PLCXD3: variants seen among roughly 807,000 people sequenced by gnomAD.
PLCXD3 encodes PI-PLC X domain-containing protein 3.
A neutral mutation model predicts 25.5 loss-of-function variants in PLCXD3; 19 were observed. That is an observed-to-expected ratio of 0.75 (90% confidence interval 0.52 to 1.09). The LOEUF is 1.09. Ranked by LOEUF, PLCXD3 falls within the 50% of genes least tolerant of loss-of-function variation. The pLI, the probability that PLCXD3 is intolerant of heterozygous loss-of-function variation, is 0.00. For missense variants in PLCXD3, 411 were observed against 388.1 expected (o/e 1.06, Z -0.50); for synonymous variants, 174 against 137.6 (o/e 1.26, Z -1.85).
At chr5:41,505,483 T>C (rs556198940) in intron 1 of PLCXD3, among the ~76,000 whole-genome samples, 1 of 152,336 alleles carries the variant, frequency 6.6e-6, no homozygotes, top group Non-Finnish European at 1.5e-5. Flanking sequence ...ATGATGCCAC[T>C]TTTGCTCGAT....
chr5:41,394,312 A>G (rs1745931264), intron 1 of PLCXD3, among the ~76,000 whole-genome samples: 1 of 152,168 alleles, frequency 6.6e-6, no homozygotes, highest in South Asian at 2.1e-4. Flanking sequence ...AAATACAATG[A>G]ATACATAAAA....
rs138457056 is a variant in PLCXD3 at position 41,391,823 on chromosome 5, C to T, written c.104-9289G>A. 8.0e-3 allele frequency among the ~76,000 whole-genome samples: 1,215 copies of T among 152,198 alleles called. 10 individuals are homozygous for T. Among genetic ancestry groups the T allele is most frequent in the African/African-American group, 0.027 (1,113 of 41,536 alleles). The stretch of plus-strand genomic sequence containing the variant: ...CCCTGGATCAAACGGGAGACCATTT[C>T]CCTGAAGGGTGAGTCCCAGGCCAGG... On this transcript the variant is annotated intron_variant, in intron 1 of 2. Transcript: ENST00000377801.
At position 41,310,283 on chromosome 5, in the gene PLCXD3, A is replaced by G. The variant is rs868228023; in HGVS notation, c.*3334T>C. On this transcript the variant is annotated 3_prime_UTR_variant, in exon 3 of 3. Coordinates refer to ENST00000377801, the MANE Select transcript of PLCXD3 (RefSeq NM_001005473.3). ...ATATTAGTCCTTGAAAATTACAGAC[A>G]GGAAATCAAACTTAAAAATGATCTC... 6.6e-6 allele frequency: 1 copy of G among 152,182 alleles called. No homozygotes were observed. The highest frequency in any genetic ancestry group is 1.5e-5 in the Non-Finnish European group (1 of 68,018). The allele number at this position is 152,182 out of a possible 1,614,324, so 9.4% of individuals were successfully genotyped here.
chr5:41,395,174 T>G (rs1302649833), intron 1 of PLCXD3, among the ~76,000 whole-genome samples: 1 of 152,112 alleles, frequency 6.6e-6, no homozygotes, highest in Non-Finnish European at 1.5e-5. Context: ...CAAGATGAAT[T>G]TGGGAAACTA....
chr5:41,393,793 G>A (rs1194002997), intron 1 of PLCXD3, among the ~76,000 whole-genome samples: 1 of 152,020 alleles, frequency 6.6e-6, no homozygotes, highest in African/African-American at 2.4e-5. Context: ...AGCCGGGCAT[G>A]GTGGTGGACA....
At chr5:41,363,231 A>G (rs1744840709) in intron 2 of PLCXD3, among the ~76,000 whole-genome samples, 1 of 152,208 alleles carries the variant, frequency 6.6e-6, no homozygotes, top group African/African-American at 2.4e-5. Context: ...TAAACCGTTT[A>G]TTAATTTGTC....
chr5:41,400,724 T>G (rs1561261393), intron 1 of PLCXD3, among the ~76,000 whole-genome samples: 1 of 151,960 alleles, frequency 6.6e-6, no homozygotes, highest in South Asian at 2.1e-4. Flanking sequence ...GAGGTGGAGA[T>G]GGTTAATGGG....
chr5:41,458,000 G>A (rs1747792801), intron 1 of PLCXD3, among the ~76,000 whole-genome samples: 1 of 151,850 alleles, frequency 6.6e-6, no homozygotes. Context: ...GAAGCACCAA[G>A]TTTAACTTAG....
chr5:41,352,144 A>G (rs1744480633), intron 2 of PLCXD3, among the ~76,000 whole-genome samples: 1 of 152,208 alleles, frequency 6.6e-6, no homozygotes, highest in Admixed American at 6.5e-5. Context: ...TCCTTTATCA[A>G]TAGAAAGTCT....
chr5:41,497,720 G>A (rs1420745898), intron 1 of PLCXD3, among the ~76,000 whole-genome samples: 2 of 151,780 alleles, frequency 1.3e-5, no homozygotes, highest in South Asian at 2.1e-4. Flanking sequence ...AACAACAGCA[G>A]AATACACATT....
At chr5:41,407,161 G>A (rs1746376671) in intron 1 of PLCXD3, among the ~76,000 whole-genome samples, 1 of 152,048 alleles carries the variant, frequency 6.6e-6, no homozygotes. Context: ...TTTCAAATCT[G>A]GCTGATGTTA....
intron 2 of PLCXD3, among the ~76,000 whole-genome samples, chr5:41,374,567 A>G (rs1237407094): frequency 2.6e-5 from 4 of 152,160 alleles, no homozygotes; most frequent in African/African-American, 4.8e-5. Flanking sequence ...ACACACGTAC[A>G]TATATGTATC....
At chr5:41,501,303 G>A (rs1407319050) in intron 1 of PLCXD3, among the ~76,000 whole-genome samples, 1 of 151,912 alleles carries the variant, frequency 6.6e-6, no homozygotes, top group Non-Finnish European at 1.5e-5. Context: ...GTATATCAAT[G>A]GATGAATGGA....
chr5:41,442,876 AT>A (rs572560719), intron 1 of PLCXD3, among the ~76,000 whole-genome samples: 2 of 133,710 alleles, frequency 1.5e-5, no homozygotes, highest in South Asian at 5.2e-4. Flanking sequence ...CCAACTTGTT[AT>A]GGTTTATTTC....
chr5:41,343,761 A>G (rs1293780812), intron 2 of PLCXD3, among the ~76,000 whole-genome samples: 2 of 152,144 alleles, frequency 1.3e-5, no homozygotes, highest in Non-Finnish European at 2.9e-5. Context: ...GATCTTAATG[A>G]AAACGTGGTT....
At position 41,312,685 on chromosome 5, in the gene PLCXD3, T is replaced by C. The variant is rs980013355; in HGVS notation, c.*932A>G. 13 of 104,772 alleles carry C rather than the reference T, an allele frequency of 1.2e-4. No individual in the cohort carries two copies. In the East Asian group the frequency reaches 2.7e-3, roughly 22 times the overall value. The allele number at this position is 104,772 out of a possible 1,614,324, so 6.5% of individuals were successfully genotyped here. A position where few individuals can be genotyped will look rare whatever the true frequency, so the allele number is the denominator to read the frequency against. On this transcript the variant is annotated 3_prime_UTR_variant, in exon 3 of 3. Transcript: ENST00000377801. ...CTTCCTCCCTCCCTTCCTTTCTTCC[T>C]TTCCTTCCTTCCTTCCTTCCTTCCT... is the stretch of plus-strand genomic sequence containing the variant.
intron 1 of PLCXD3, among the ~76,000 whole-genome samples, chr5:41,422,148 C>T (rs1035068873): frequency 1.3e-5 from 2 of 152,134 alleles, no homozygotes; most frequent in African/African-American, 4.8e-5. Context: ...GCTATTGGAA[C>T]TCCATATTTC....
intron 1 of PLCXD3, among the ~76,000 whole-genome samples, chr5:41,382,737 G>T (rs943948029): frequency 1.3e-5 from 2 of 151,672 alleles, no homozygotes; most frequent in Non-Finnish European, 2.9e-5. Flanking sequence ...AGATCAAATT[G>T]GTTATTAAAC....
intron 1 of PLCXD3, among the ~76,000 whole-genome samples, chr5:41,384,492 T>A (rs1745576111): frequency 6.6e-6 from 1 of 152,046 alleles, no homozygotes; most frequent in South Asian, 2.1e-4. Context: ...AAAAAGTTAG[T>A]TTCCAGGCAC....
Sources: allele counts gnomAD v4.1 joint callset (sites outside exome capture counted in the v4.1 genomes callset), GRCh38; gene constraint gnomAD v4.1.1; transcripts MANE v1.5; gene names NCBI Gene and HGNC (gene_info 2026-07-23, HGNC 2026-07-21).